PPP1R21: variants seen among roughly 807,000 people sequenced by gnomAD.
PPP1R21 encodes the protein protein phosphatase 1 regulatory subunit 21, also known as KLRAQ motif containing 1.
Under a neutral mutation model 112.8 loss-of-function variants are expected in PPP1R21, and 85 were observed. The observed-to-expected ratio is 0.75, with a 90% CI of 0.63 to 0.90. The LOEUF (loss-of-function observed/expected upper bound fraction) is 0.90. PPP1R21 is among the 40% of genes least tolerant of loss of function. PPP1R21 has a pLI of 0.00. For synonymous variants in PPP1R21, 381 were observed against 322.3 expected (o/e 1.18, Z -1.95); for missense variants, 1,199 against 901.5 (o/e 1.33, Z -4.23).
At chr2:48,503,846 G>A (rs540931103) in intron 17 of PPP1R21, among the ~76,000 whole-genome samples, 2 of 151,832 alleles carry the variant, frequency 1.3e-5, no homozygotes, top group Non-Finnish European at 2.9e-5. Flanking sequence ...CCATCTACTC[G>A]GGAGGCTGAG....
intron 15 of PPP1R21, among the ~76,000 whole-genome samples, chr2:48,494,957 C>T (rs1304649020): frequency 2.0e-5 from 3 of 152,138 alleles, no homozygotes; most frequent in Non-Finnish European, 4.4e-5. Context: ...TCCATCACCT[C>T]GGTGTCCCAA....
chr2:48,460,080 T>C lies in PPP1R21; in HGVS notation c.541-15T>C, dbSNP rs1413201873. The C allele has an allele frequency of 6.2e-7, 1 of 1,614,072 alleles. No individual in the cohort carries two copies. The highest frequency in any genetic ancestry group is 2.2e-5 in the East Asian group (1 of 44,892). On this transcript the variant is annotated splice_polypyrimidine_tract_variant and intron_variant, in intron 5 of 21. Coordinates refer to ENST00000294952, the MANE Select transcript of PPP1R21 (RefSeq NM_001135629.3). ...AGCCTGAGCCATCTGTGTTTCTTTT[T>C]CTTCTGAAATTCAGGTGAAATCTCA...
intron 9 of PPP1R21, among the ~76,000 whole-genome samples, chr2:48,466,218 T>C (rs1228466881): frequency 1.3e-5 from 2 of 151,780 alleles, no homozygotes; most frequent in Non-Finnish European, 2.9e-5. Flanking sequence ...GGTTTTTTTT[T>C]TTTCTTTTTT....
In PPP1R21 at chr2:48,469,508, GC is replaced by G. The variant is rs202140138; in HGVS notation, c.898-1578del. On this transcript the variant is annotated intron_variant, in intron 9 of 21. Coordinates refer to ENST00000294952, the MANE Select transcript of PPP1R21 (RefSeq NM_001135629.3). ...TAGAGCATATATATATATATATAGAGCATATATATATATATATATATATATA... is the reference window on the plus strand; with the variant it reads ...TAGAGCATATATATATATATATAGAGATATATATATATATATATATATATA... Among the ~76,000 whole-genome samples, 22 of 14,822 alleles carry G rather than the reference GC, an allele frequency of 1.5e-3. 1 individual carries two copies. The highest frequency in any genetic ancestry group is 2.2e-3 in the East Asian group (3 of 1,386). 9.7% of individuals were successfully genotyped at this position (14,822 alleles called of 152,430 possible).
intron 1 of PPP1R21, among the ~76,000 whole-genome samples, chr2:48,443,239 G>A (rs1035501398): frequency 1.3e-5 from 2 of 152,142 alleles, no homozygotes; most frequent in Non-Finnish European, 2.9e-5. Context: ...GCAGTTCTGA[G>A]GTGAGGGAAC....
chr2:48,453,684 G>A (rs958383725), intron 2 of PPP1R21, among the ~76,000 whole-genome samples: 5 of 152,140 alleles, frequency 3.3e-5, no homozygotes, highest in African/African-American at 4.8e-5. Flanking sequence ...TCACCAGAGG[G>A]TGTGTCAAAA....
At chr2:48,446,033 A>G (rs1667230592) in intron 1 of PPP1R21, among the ~76,000 whole-genome samples, 1 of 152,196 alleles carries the variant, frequency 6.6e-6, no homozygotes, top group African/African-American at 2.4e-5. Context: ...TGCACACGTC[A>G]CTTTGTATTG....
chr2:48,512,536 C>T (rs1257639157), intron 21 of PPP1R21, among the ~76,000 whole-genome samples: 1 of 152,138 alleles, frequency 6.6e-6, no homozygotes, highest in Non-Finnish European at 1.5e-5. Context: ...GATGAAGAAA[C>T]CATGGCTTTA....
chr2:48,450,135 C>G (rs1558419016), intron 1 of PPP1R21, among the ~76,000 whole-genome samples: 2 of 152,098 alleles, frequency 1.3e-5, no homozygotes. Context: ...ACCTCTTTCT[C>G]CAAAGGCATC....
At chr2:48,479,383 C>G (rs1415984003) in intron 12 of PPP1R21, 5 of 437,448 alleles carry the variant, frequency 1.1e-5, no homozygotes, top group Non-Finnish European at 2.4e-5. Flanking sequence ...ACTGTTATTA[C>G]TGAGTTGTTA....
intron 9 of PPP1R21, among the ~76,000 whole-genome samples, chr2:48,467,640 A>G (rs1464145487): frequency 6.6e-6 from 1 of 152,208 alleles, no homozygotes; most frequent in Non-Finnish European, 1.5e-5. Context: ...GGCAGCTAAC[A>G]TTTCTCATAG....
Position 48,482,527 on chromosome 2 carries a change from T to C in PPP1R21, c.1318+2511T>C, listed in dbSNP as rs371479667. 3.3e-4 allele frequency among the ~76,000 whole-genome samples: 50 copies of C among 152,314 alleles called. 1 individual carries two copies. The South Asian group carries it at 7.3e-3, about 22-fold the overall frequency. On this transcript the variant is annotated intron_variant, in intron 13 of 21. Coordinates refer to ENST00000294952, the MANE Select transcript of PPP1R21 (RefSeq NM_001135629.3). Reference sequence around the variant, plus strand: ...CAAGGGTTGTTTTGAAGGAAACTTATTGTGAATACATGTTTTTATATAAAG... The same window carrying C: ...CAAGGGTTGTTTTGAAGGAAACTTACTGTGAATACATGTTTTTATATAAAG...
chr2:48,498,835 C>A, intron 17 of PPP1R21, 100 bp downstream of exon 17: 1 of 1,226,608 alleles, frequency 8.2e-7, no homozygotes, highest in Non-Finnish European at 1.2e-6. Context: ...ATTCAGGCTG[C>A]TATATCAAAA....
intron 3 of PPP1R21, among the ~76,000 whole-genome samples, chr2:48,457,242 T>C (rs896630266): frequency 1.3e-5 from 2 of 152,190 alleles, no homozygotes; most frequent in Non-Finnish European, 2.9e-5. Context: ...GGACCCTGAA[T>C]ACATCGTTCT....
At chr2:48,463,995 G>A (rs145434688) in intron 7 of PPP1R21, among the ~76,000 whole-genome samples, 200 of 152,242 alleles carry the variant, frequency 1.3e-3, no homozygotes, top group African/African-American at 4.7e-3. Context: ...ATAGGCACAC[G>A]GCAATGAAAT....
chr2:48,486,484 C>T (rs76272635), intron 13 of PPP1R21, 147 bp from the exon 14 acceptor site: 52,710 of 580,250 alleles, frequency 0.091, 2,936 homozygotes, highest in Non-Finnish European at 0.11. Context: ...CTAATTGATA[C>T]TCAGTGCAAT....
chr2:48,461,306 T>G (rs1215273498), intron 7 of PPP1R21, 74 bp downstream of exon 7: 1 of 1,406,748 alleles, frequency 7.1e-7, no homozygotes, highest in Non-Finnish European at 9.3e-7. Flanking sequence ...TTAAAGTAAT[T>G]TTTAATCTTT....
chr2:48,470,290 G>C (rs997508698), intron 9 of PPP1R21, among the ~76,000 whole-genome samples: 1 of 152,016 alleles, frequency 6.6e-6, no homozygotes, highest in East Asian at 1.9e-4. Flanking sequence ...GGCTGAGGTG[G>C]GTGGATCACC....
intron 19 of PPP1R21, among the ~76,000 whole-genome samples, chr2:48,507,749 CTTTTTTTTTTTTTT>C (rs34546075): frequency 2.9e-3 from 123 of 42,402 alleles, no homozygotes; most frequent in African/African-American, 8.0e-3. Context: ...GAGGCTCTGC[CTTTTTTTTTTTTTT>C]TTTTTTTTTT....
Sources: gnomAD v4.1 joint callset for allele counts (sites outside exome capture counted in the v4.1 genomes callset) on GRCh38, gnomAD v4.1.1 for gene constraint, MANE v1.5 for transcripts, NCBI Gene and HGNC (gene_info 2026-07-23, HGNC 2026-07-21) for gene names.